DNAH5: variants seen among roughly 807,000 people sequenced by gnomAD.
DNAH5 encodes the protein axonemal beta dynein heavy chain 5.
In DNAH5, 372 loss-of-function variants were observed where a neutral mutation model predicts 518.2. The ratio of observed to expected loss-of-function variants is 0.72; its 90% CI spans 0.66 to 0.78. DNAH5 has a LOEUF of 0.78. DNAH5 is among the 30% of genes least tolerant of loss of function. The pLI is 0.00. For synonymous variants in DNAH5, 2,039 were observed against 2,025.9 expected (o/e 1.01, Z -0.17); for missense variants, 5,523 against 5,687.0 (o/e 0.97, Z 0.93).
At chr5:13,873,708 C>T (rs1181396006) in intron 22 of DNAH5, among the ~76,000 whole-genome samples, 2 of 151,284 alleles carry the variant, frequency 1.3e-5, no homozygotes, top group South Asian at 2.1e-4. Context: ...ACTGTGTTAC[C>T]CAAGCTGGTC....
At chr5:13,748,665 ATT>A in intron 65 of DNAH5, among the ~76,000 whole-genome samples, 1 of 152,240 alleles carries the variant, frequency 6.6e-6, no homozygotes, top group Non-Finnish European at 1.5e-5. Context: ...TTCACTCATG[ATT>A]TGGCTCTCTG....
At chr5:13,959,544 G>A (rs532756485) in intron 1 of DNAH5, among the ~76,000 whole-genome samples, 23 of 152,308 alleles carry the variant, frequency 1.5e-4, no homozygotes, top group African/African-American at 5.5e-4. Context: ...AGGACAGTGG[G>A]GTCCTTGAGA....
chr5:13,755,734 C>G (rs914262189), intron 61 of DNAH5, among the ~76,000 whole-genome samples: 1 of 152,140 alleles, frequency 6.6e-6, no homozygotes, highest in Non-Finnish European at 1.5e-5. Flanking sequence ...AGGGAAGGTG[C>G]CAGCTGGGAA....
At chr5:13,921,752 C>A (rs947636811) in intron 5 of DNAH5, among the ~76,000 whole-genome samples, 6 of 143,462 alleles carry the variant, frequency 4.2e-5, no homozygotes, top group South Asian at 2.3e-4. Context: ...CCACACACAC[C>A]CCCCCACACA....
rs372347347 is a variant in DNAH5 at position 13,913,994 on chromosome 5, C to A, written c.1321-36G>T. 7 of 1,603,636 alleles carry A rather than the reference C, an allele frequency of 4.4e-6. No individual in the cohort carries two copies. The African/African-American group carries it at 9.4e-5, about 21-fold the overall frequency. ...AAAGAAAAATATACAACAAAGGGAA[C>A]AAGAAAGGTATCAACTTTATTTTCT... On this transcript the variant is annotated intron_variant, in intron 10 of 78. Coordinates refer to ENST00000265104, the MANE Select transcript of DNAH5 (RefSeq NM_001369.3).
Position 13,751,604 on chromosome 5 carries a change from C to T in DNAH5, c.11029-344G>A, listed in dbSNP as rs193183320. On this transcript the variant is annotated intron_variant, in intron 64 of 78. Coordinates refer to ENST00000265104, the MANE Select transcript of DNAH5 (RefSeq NM_001369.3). ...GAGACTGATGATGCTACACATGCAC[C>T]GAAAGAGTATAAAAAGGTTTATTAC... 3.0e-4 allele frequency among the ~76,000 whole-genome samples: 45 copies of T among 152,124 alleles called. No individual in the cohort carries two copies. In the East Asian group the frequency reaches 7.9e-3, roughly 27 times the overall value.
At chr5:13,791,548 T>C (rs977136047) in intron 50 of DNAH5, among the ~76,000 whole-genome samples, 1 of 152,198 alleles carries the variant, frequency 6.6e-6, no homozygotes, top group African/African-American at 2.4e-5. Context: ...TCATAGATGA[T>C]TATCAACAAA....
At chr5:13,726,434 G>A (rs913644928) in intron 70 of DNAH5, among the ~76,000 whole-genome samples, 9 of 152,152 alleles carry the variant, frequency 5.9e-5, no homozygotes, top group African/African-American at 1.9e-4. Context: ...TAAAGGGATC[G>A]GATGAAGATA....
intron 35 of DNAH5, among the ~76,000 whole-genome samples, chr5:13,839,092 C>G (rs890034672): frequency 2.0e-5 from 3 of 152,186 alleles, no homozygotes; most frequent in African/African-American, 7.2e-5. Context: ...AAAATTAATT[C>G]CCTTTCTTGC....
At chr5:13,775,464 CGATG>C (rs1306862001) in intron 55 of DNAH5, among the ~76,000 whole-genome samples, 1 of 150,794 alleles carries the variant, frequency 6.6e-6, no homozygotes, top group Non-Finnish European at 1.5e-5. Context: ...GATAATGGAT[CGATG>C]GATAGATAAT....
chr5:13,922,647 G>C (rs929319368), intron 4 of DNAH5, among the ~76,000 whole-genome samples: 5 of 149,154 alleles, frequency 3.4e-5, no homozygotes, highest in Non-Finnish European at 4.4e-5. Flanking sequence ...GAAATCGCTT[G>C]AATCCAGGAG....
intron 75 of DNAH5, among the ~76,000 whole-genome samples, chr5:13,713,460 TATATATACAC>T (rs1476253175): frequency 0.01 from 1,361 of 131,598 alleles, 42 homozygotes; most frequent in African/African-American, 0.041. Flanking sequence ...TATATATATA[TATATATACAC>T]ACACCGATAT....
At chr5:13,870,676 A>T in intron 24 of DNAH5, 91 bp downstream of exon 24, 1 of 1,148,406 alleles carries the variant, frequency 8.7e-7, no homozygotes, top group Non-Finnish European at 1.3e-6. Flanking sequence ...GTAACCATTT[A>T]GTAACTTCAC....
chr5:13,848,282 G>T (rs1357586984), intron 31 of DNAH5, among the ~76,000 whole-genome samples: 1 of 152,172 alleles, frequency 6.6e-6, no homozygotes, highest in Non-Finnish European at 1.5e-5. Context: ...AGTAAACAAA[G>T]GGTGCTTTAC....
chr5:13,820,314 C>A lies in DNAH5; in HGVS notation c.6841+32G>T. The A allele has an allele frequency of 2.5e-6, 4 of 1,603,008 alleles. No homozygotes were observed. In the South Asian group the frequency reaches 4.4e-5, roughly 18 times the overall value. ...ATGGGTCACCACTACTTAAATGGGC[C>A]ACCCCAGGCATTGACCTTGGCTGCC... On this transcript the variant is annotated intron_variant, in intron 41 of 78. Coordinates refer to ENST00000265104, the MANE Select transcript of DNAH5 (RefSeq NM_001369.3).
At chr5:13,775,129 T>C (rs1345851491) in intron 55 of DNAH5, among the ~76,000 whole-genome samples, 1 of 142,110 alleles carries the variant, frequency 7.0e-6, no homozygotes, top group African/African-American at 2.5e-5. Flanking sequence ...CTACACTCCT[T>C]TTTGTTTTTT....
intron 78 of DNAH5, 107 bp from the exon 79 acceptor site, chr5:13,692,242 G>A: frequency 7.9e-7 from 1 of 1,271,302 alleles, no homozygotes; most frequent in Admixed American, 1.9e-5. Context: ...AAAAACAGAT[G>A]GGTTTGGCTG....
chr5:13,707,061 G>A lies in DNAH5; in HGVS notation c.13338+1062C>T, dbSNP rs185975888. Among the ~76,000 whole-genome samples the A allele has an allele frequency of 4.1e-3, 622 of 152,260 alleles. 8 individuals are homozygous for A. Among genetic ancestry groups the A allele is most frequent in the Non-Finnish European group, 4.1e-3 (277 of 68,026 alleles). ...CCATATAAACCCAAGGGACCATAGC[G>A]GGCACACACACAAGTGGCTGGATGT... On this transcript the variant is annotated intron_variant, in intron 76 of 78. Coordinates refer to ENST00000265104, the MANE Select transcript of DNAH5 (RefSeq NM_001369.3). The surrounding 1 kb of genome is among the most constrained non-coding windows in gnomAD (Gnocchi z 4.0).
rs774242959 is a variant in DNAH5 at position 13,776,545 on chromosome 5, C to T, written c.9267G>A (p.Ser3089=). 8.1e-6 allele frequency: 13 copies of T among 1,613,872 alleles called. No individual in the cohort carries two copies. The Admixed American group carries it at 8.3e-5, about 10-fold the overall frequency. Residue 3089 remains serine, a synonymous_variant, in exon 55 of 79, where the codon TCG becomes TCA. Transcript: ENST00000265104. ...TGTTTCGAAATTTCTCCCCCACTGG[C>T]GAGAAGCAGAGCACAATATGAAGGT... is the stretch of plus-strand genomic sequence containing the variant. ...RQNLHIVLCF[S]PVGEKFRNRA...
Sources: allele counts gnomAD v4.1 joint callset (sites outside exome capture counted in the v4.1 genomes callset), GRCh38; gene constraint gnomAD v4.1.1; non-coding constraint Gnocchi (gnomAD v3.1); transcripts MANE v1.5; gene names NCBI Gene and HGNC (gene_info 2026-07-23, HGNC 2026-07-21).